CEP128: variants seen among roughly 807,000 people sequenced by gnomAD.
The protein encoded by CEP128 is centrosomal protein 128, also known as centrosomal protein 128kDa.
In CEP128, 132 loss-of-function variants were observed where a neutral mutation model predicts 156.7. The observed-to-expected ratio is 0.84, with a 90% CI of 0.73 to 0.97. The LOEUF (loss-of-function observed/expected upper bound fraction) is 0.97, where lower values mean the gene tolerates loss of function less well. Among genes scored for constraint, CEP128 ranks in the 50% least tolerant of loss-of-function variants. The probability of loss-of-function intolerance (pLI) is 0.00; values close to 1 mark genes in which losing one functional copy is unlikely to be tolerated. For missense variants in CEP128, 1,252 were observed against 1,281.9 expected (o/e 0.98, Z 0.36); for synonymous variants, 469 against 448.9 (o/e 1.04, Z -0.57).
intron 19 of CEP128, among the ~76,000 whole-genome samples, chr14:80,623,344 G>A (rs2140671765): frequency 6.6e-6 from 1 of 151,540 alleles, no homozygotes; most frequent in South Asian, 2.1e-4. Flanking sequence ...AGCATTGGGA[G>A]ATATACCTAA....
In CEP128 at chr14:80,504,971, G is replaced by A. The variant is rs767861364; in HGVS notation, c.3122C>T (p.Ser1041Leu). Reference protein sequence around the residue: ...EGSHTRGLDHSSSWQDHSRFL... With the variant: ...EGSHTRGLDHLSSWQDHSRFL... ...GCGACTGTGATCCTGCCAAGAGGAT[G>A]AGTGATCTAACCCACGAGTGTGGGA... is the stretch of plus-strand genomic sequence containing the variant. The change falls in exon 24 of 25, where the codon TCA becomes TTA. Residue 1041 changes from serine (S) to leucine (L), a missense_variant. Ser to Leu is a moderately radical substitution (Grantham distance 145, BLOSUM62 -2). Transcript: ENST00000555265. The A allele has an allele frequency of 3.1e-6, 5 of 1,604,834 alleles. No individual in the cohort carries two copies. The East Asian group carries it at 1.1e-4, about 36-fold the overall frequency.
rs761317180 is a variant in CEP128, at chr14:80,505,026, GA to G, written c.3073-7del. 8.5e-5 allele frequency: 127 copies of G among 1,495,608 alleles called. No homozygotes were observed. The highest frequency in any genetic ancestry group is 1.5e-4 in the South Asian group (12 of 82,134). 92.6% of individuals were successfully genotyped at this position (1,495,608 alleles called of 1,614,324 possible). ...TCCAGAAAGGTTCTGTCACCCTAAG[GA>G]AAAAAAGGCACAGCATTTCAATGAT... On this transcript the variant is annotated splice_region_variant and splice_polypyrimidine_tract_variant and intron_variant, in intron 23 of 24. Transcript: ENST00000555265.
At chr14:80,516,558 A>G (rs1474781969) in intron 23 of CEP128, among the ~76,000 whole-genome samples, 1 of 152,168 alleles carries the variant, frequency 6.6e-6, no homozygotes, top group African/African-American at 2.4e-5. Flanking sequence ...TCTCAAGTTT[A>G]TTGAGAATCC....
chr14:80,687,396 C>T (rs2139288057), intron 19 of CEP128, among the ~76,000 whole-genome samples: 1 of 152,116 alleles, frequency 6.6e-6, no homozygotes, highest in East Asian at 1.9e-4. Context: ...TACTATGCAG[C>T]CATAAAGAAC....
At chr14:80,926,074 A>G (rs1594854316) in intron 2 of CEP128, among the ~76,000 whole-genome samples, 3 of 152,186 alleles carry the variant, frequency 2.0e-5, no homozygotes, top group Admixed American at 1.3e-4. Context: ...TCACAGGTTG[A>G]GAGAAGCTCC....
intron 19 of CEP128, among the ~76,000 whole-genome samples, chr14:80,658,454 T>A (rs1010978873): frequency 2.6e-5 from 4 of 152,206 alleles, no homozygotes; most frequent in Non-Finnish European, 5.9e-5. Context: ...GGGGACATGA[T>A]CTGATTTCTA....
intron 4 of CEP128, among the ~76,000 whole-genome samples, chr14:80,909,754 A>C (rs892004303): frequency 6.6e-6 from 1 of 152,198 alleles, no homozygotes; most frequent in African/African-American, 2.4e-5. Flanking sequence ...ACACTGCACA[A>C]AATTTAGTGA....
intron 9 of CEP128, among the ~76,000 whole-genome samples, chr14:80,847,892 A>G (rs752477878): frequency 6.6e-6 from 1 of 152,236 alleles, no homozygotes; most frequent in Non-Finnish European, 1.5e-5. Flanking sequence ...TATTAGGTAC[A>G]TGATAGTATT....
At chr14:80,758,950 C>A (rs1440531253) in intron 17 of CEP128, among the ~76,000 whole-genome samples, 3 of 152,174 alleles carry the variant, frequency 2.0e-5, no homozygotes, top group Non-Finnish European at 4.4e-5. Context: ...TGAACCTATA[C>A]CTGTCTTGAT....
intron 16 of CEP128, among the ~76,000 whole-genome samples, chr14:80,764,220 C>T (rs1257943488): frequency 5.3e-5 from 8 of 152,086 alleles, no homozygotes; most frequent in African/African-American, 9.7e-5. Flanking sequence ...ATTATCCGGC[C>T]GGGCGCGGTG....
At chr14:80,863,406 ATAAAAGATCAAAAAC>A (rs1436278244) in intron 8 of CEP128, among the ~76,000 whole-genome samples, 1 of 152,214 alleles carries the variant, frequency 6.6e-6, no homozygotes, top group Non-Finnish European at 1.5e-5. Flanking sequence ...AAAACAAGCT[ATAAAAGATCAAAAAC>A]TAAAGTCAAA....
At chr14:80,529,535 T>C (rs1037715689) in intron 22 of CEP128, among the ~76,000 whole-genome samples, 11 of 152,210 alleles carry the variant, frequency 7.2e-5, no homozygotes, top group Non-Finnish European at 1.5e-4. Context: ...TTAAAATGTA[T>C]ATTTTTATGC....
At chr14:80,822,565 A>C (rs1274991317) in intron 13 of CEP128, 2 of 693,124 alleles carry the variant, frequency 2.9e-6, no homozygotes, top group African/African-American at 1.8e-5. Context: ...AAGGAGATAA[A>C]GCCAAGGTGA....
chr14:80,833,476 A>G (rs1885916844), intron 12 of CEP128, among the ~76,000 whole-genome samples: 1 of 152,126 alleles, frequency 6.6e-6, no homozygotes, highest in Non-Finnish European at 1.5e-5. Flanking sequence ...TTTAAAACAA[A>G]AAGTATAAAA....
intron 13 of CEP128, among the ~76,000 whole-genome samples, chr14:80,793,826 T>C (rs1901845653): frequency 6.6e-6 from 1 of 152,182 alleles, no homozygotes; most frequent in South Asian, 2.1e-4. Context: ...CACTAAATCA[T>C]CATGATTAAT....
intron 19 of CEP128, among the ~76,000 whole-genome samples, chr14:80,724,037 A>G (rs1054300887): frequency 9.2e-5 from 14 of 152,192 alleles, no homozygotes; most frequent in Admixed American, 4.6e-4. Context: ...TCCTCATTTA[A>G]TAATTGAGTA....
Position 80,904,934 on chromosome 14 carries a change from T to G in CEP128, c.362-3A>C. 1 of 1,512,736 alleles carries G rather than the reference T, an allele frequency of 6.6e-7. No individual in the cohort carries two copies. The highest frequency in any genetic ancestry group is 1.7e-4 in the Middle Eastern group (1 of 5,906). 93.7% of individuals were successfully genotyped at this position (1,512,736 alleles called of 1,614,324 possible). ...GGTAGGTGGAAAATGATGGAGCTCT[T>G]CACAAGTGAAAGAAAAGGGAAGGTA... On this transcript the variant is annotated splice_region_variant and splice_polypyrimidine_tract_variant and intron_variant, in intron 5 of 24. Transcript: ENST00000555265.
At chr14:80,521,643 G>A (rs907203718) in intron 23 of CEP128, among the ~76,000 whole-genome samples, 20 of 152,148 alleles carry the variant, frequency 1.3e-4, no homozygotes, top group Non-Finnish European at 4.4e-5. Flanking sequence ...TGCCTATAAG[G>A]TTTTAAATGT....
At chr14:80,519,418 C>A (rs1188955922) in intron 23 of CEP128, among the ~76,000 whole-genome samples, 1 of 152,204 alleles carries the variant, frequency 6.6e-6, no homozygotes, top group Admixed American at 6.6e-5. Context: ...GTGTATGAGA[C>A]AAATGATACA....
Sources: gnomAD v4.1 joint callset for allele counts (sites outside exome capture counted in the v4.1 genomes callset) on GRCh38, gnomAD v4.1.1 for gene constraint, MANE v1.5 for transcripts, NCBI Gene and HGNC (gene_info 2026-07-23, HGNC 2026-07-21) for gene names.